Variants in TCF12 observed in about 807,000 individuals in gnomAD.
TCF12 encodes the protein DNA-binding protein HTF4.
A neutral mutation model predicts 86.0 loss-of-function variants in TCF12; 45 were observed. The ratio of observed to expected loss-of-function variants is 0.52; its 90% CI spans 0.41 to 0.67. TCF12 has a LOEUF of 0.67. Among genes scored for constraint, TCF12 ranks in the 30% least tolerant of loss-of-function variants. TCF12 has a pLI of 0.00. For synonymous variants in TCF12, 330 were observed against 299.6 expected, an observed-to-expected ratio of 1.10 and a Z score of -1.05; for missense variants, 881 against 859.9, an observed-to-expected ratio of 1.02 and a Z score of -0.31.
chr15:57,279,294 C>A (rs555642993), intron 19 of TCF12, among the ~76,000 whole-genome samples: 2 of 152,280 alleles, frequency 1.3e-5, no homozygotes, highest in Admixed American at 1.3e-4. Flanking sequence ...TAAGAAGTGA[C>A]TAGTGAGTTA....
intron 3 of TCF12, among the ~76,000 whole-genome samples, chr15:57,023,874 C>G (rs531205096): frequency 6.6e-5 from 10 of 152,234 alleles, no homozygotes; most frequent in Non-Finnish European, 1.5e-4. Flanking sequence ...CATAAGTATT[C>G]CACCTCAGAT....
chr15:57,116,772 A>G (rs1416365114), intron 5 of TCF12, among the ~76,000 whole-genome samples: 2 of 152,204 alleles, frequency 1.3e-5, no homozygotes, highest in Non-Finnish European at 2.9e-5. Context: ...TGCCATTCTC[A>G]TGTCACTTAT....
At chr15:57,148,998 C>A (rs1329835872) in intron 5 of TCF12, among the ~76,000 whole-genome samples, 18 of 152,162 alleles carry the variant, frequency 1.2e-4, no homozygotes, top group African/African-American at 4.3e-4. Flanking sequence ...CCAGGATATA[C>A]AAATCCCTCG....
At chr15:57,044,425 T>G (rs2067095718) in intron 3 of TCF12, among the ~76,000 whole-genome samples, 2 of 152,212 alleles carry the variant, frequency 1.3e-5, no homozygotes, top group Non-Finnish European at 2.9e-5. Flanking sequence ...GTGGATTCTT[T>G]AAGTGAAGTT....
intron 3 of TCF12, among the ~76,000 whole-genome samples, chr15:57,030,823 T>C (rs1227505069): frequency 6.6e-6 from 1 of 152,258 alleles, no homozygotes; most frequent in Non-Finnish European, 1.5e-5. Context: ...TGACACATTA[T>C]CTTCCATGTG....
At chr15:57,052,831 G>A (rs1300569828) in intron 3 of TCF12, among the ~76,000 whole-genome samples, 1 of 152,142 alleles carries the variant, frequency 6.6e-6, no homozygotes, top group East Asian at 1.9e-4. Flanking sequence ...GTTAGATAGT[G>A]CTCATGTAAA....
rs1348990547 is a variant in TCF12, at chr15:57,273,022, T to C, written c.1746-8T>C. ...CCTAATAGACCTTGTTGTTACTTTA[T>C]TTTCTAGCAGTACTAATGAAGATGA... On this transcript the variant is annotated splice_region_variant and splice_polypyrimidine_tract_variant and intron_variant, in intron 18 of 20. Transcript: ENST00000333725. The C allele has an allele frequency of 6.2e-7, 1 of 1,612,966 alleles. No individual in the cohort carries two copies. Among genetic ancestry groups the C allele is most frequent in the East Asian group, 2.2e-5 (1 of 44,880 alleles).
chr15:57,212,387 G>T (rs1208194040), intron 8 of TCF12, among the ~76,000 whole-genome samples: 1 of 151,984 alleles, frequency 6.6e-6, no homozygotes, highest in Admixed American at 6.6e-5. Flanking sequence ...GGGCTGAAGC[G>T]ATCCTCCCAC....
At position 57,231,235 on chromosome 15, in the gene TCF12, C is replaced by T. The variant is rs773647219; in HGVS notation, c.663C>T (p.Phe221=). 6.8e-6 allele frequency: 11 copies of T among 1,612,452 alleles called. No individual in the cohort carries two copies. Among genetic ancestry groups the T allele is most frequent in the African/African-American group, 4.0e-5 (3 of 74,976 alleles). Residue 221 remains phenylalanine (F), a synonymous_variant, in exon 9 of 21, where the codon TTC becomes TTT. Coordinates refer to ENST00000333725, the MANE Select transcript of TCF12 (RefSeq NM_207037.2). ...YPSPKPPTSM[F]ASTFFMQDGT... is the part of the protein sequence containing the mutation. Reference sequence around the variant, plus strand: ...CTCCTAAGCCACCAACCAGTATGTTCGCTAGCACTTTCTTTATGCAAGGTA... The same window carrying T: ...CTCCTAAGCCACCAACCAGTATGTTTGCTAGCACTTTCTTTATGCAAGGTA...
rs547719695 is a variant in TCF12, at chr15:57,030,257, G to A, written c.149-33493G>A. Reference sequence around the variant, plus strand: ...TAATTGATTAATCAATTGATTAATTGAATCATGGTCTTGCGCTGTCACTGA... The same window carrying A: ...TAATTGATTAATCAATTGATTAATTAAATCATGGTCTTGCGCTGTCACTGA... On this transcript the variant is annotated intron_variant, in intron 3 of 20. Transcript: ENST00000333725. Among the ~76,000 whole-genome samples, 7 of 152,194 alleles carry A rather than the reference G, an allele frequency of 4.6e-5. No homozygotes were observed. The East Asian group carries it at 1.4e-3, about 29-fold the overall frequency.
intron 3 of TCF12, among the ~76,000 whole-genome samples, chr15:56,968,646 A>G (rs1349140848): frequency 6.6e-6 from 1 of 152,260 alleles, no homozygotes; most frequent in Non-Finnish European, 1.5e-5. Context: ...TGACAAGACT[A>G]AGAGACAGTG....
At chr15:57,128,296 G>T (rs1239551398) in intron 5 of TCF12, among the ~76,000 whole-genome samples, 1 of 152,140 alleles carries the variant, frequency 6.6e-6, no homozygotes, top group African/African-American at 2.4e-5. Context: ...TCTCAAGTTA[G>T]AATCAAGATC....
At chr15:57,126,689 A>G (rs1567474889) in intron 5 of TCF12, among the ~76,000 whole-genome samples, 1 of 152,120 alleles carries the variant, frequency 6.6e-6, no homozygotes, top group Non-Finnish European at 1.5e-5. Flanking sequence ...TTTACTACCA[A>G]TCTTGCTTTA....
At chr15:57,156,606 GTCTC>G (rs2054126350) in intron 5 of TCF12, among the ~76,000 whole-genome samples, 1 of 152,202 alleles carries the variant, frequency 6.6e-6, no homozygotes, top group South Asian at 2.1e-4. Flanking sequence ...CTCTTAAGCT[GTCTC>G]TCTGCCTTCA....
At chr15:57,182,666 TG>T (rs2056427588) in intron 6 of TCF12, among the ~76,000 whole-genome samples, 1 of 152,194 alleles carries the variant, frequency 6.6e-6, no homozygotes, top group Non-Finnish European at 1.5e-5. Context: ...TAATATTCAC[TG>T]TGGAACAAGA....
chr15:56,940,737 C>G (rs539934103), intron 3 of TCF12, among the ~76,000 whole-genome samples: 7 of 107,652 alleles, frequency 6.5e-5, no homozygotes, highest in Middle Eastern at 4.6e-3. Context: ...TCTCTCCCCC[C>G]CCTTCTCCTC....
intron 5 of TCF12, among the ~76,000 whole-genome samples, chr15:57,159,487 T>G (rs1206520194): frequency 6.6e-6 from 1 of 152,238 alleles, no homozygotes; most frequent in Non-Finnish European, 1.5e-5. Context: ...AGGAGGATAG[T>G]CTGCTCATAA....
At chr15:56,976,845 G>A (rs1324503357) in intron 3 of TCF12, among the ~76,000 whole-genome samples, 2 of 152,164 alleles carry the variant, frequency 1.3e-5, no homozygotes, top group African/African-American at 2.4e-5. Context: ...AATTGAGATT[G>A]TGGGACACTG....
At chr15:57,280,485 C>G (rs2061637105) in intron 19 of TCF12, among the ~76,000 whole-genome samples, 1 of 152,094 alleles carries the variant, frequency 6.6e-6, no homozygotes. Flanking sequence ...GCTAAGTTTA[C>G]CATAATGAAG....
Sources: gnomAD v4.1 joint callset for allele counts (sites outside exome capture counted in the v4.1 genomes callset) on GRCh38, gnomAD v4.1.1 for gene constraint, MANE v1.5 for transcripts, NCBI Gene and HGNC (gene_info 2026-07-23, HGNC 2026-07-21) for gene names.